Variants in USP13 observed in about 807,000 individuals in gnomAD.
USP13 encodes ubiquitin carboxyl-terminal hydrolase 13.
In USP13, 68 loss-of-function variants were observed where a neutral mutation model predicts 107.8. That is an observed-to-expected ratio of 0.63 (90% CI 0.52 to 0.77). The LOEUF (loss-of-function observed/expected upper bound fraction) is 0.77, where lower values mean the gene tolerates loss of function less well. USP13 is among the 30% of genes least tolerant of loss of function. The pLI is 0.00. For synonymous variants in USP13, 377 were observed against 389.5 expected (o/e 0.97, Z 0.38); for missense variants, 945 against 1,093.3 (o/e 0.86, Z 1.91).
chr3:179,771,429 A>G (rs1715339690), intron 19 of USP13, among the ~76,000 whole-genome samples: 1 of 152,220 alleles, frequency 6.6e-6, no homozygotes, highest in Non-Finnish European at 1.5e-5. Context: ...GAGAAGGGAC[A>G]GGTTGATCTC....
chr3:179,698,926 G>A (rs188393860), intron 3 of USP13, among the ~76,000 whole-genome samples: 2 of 149,688 alleles, frequency 1.3e-5, no homozygotes, highest in Non-Finnish European at 3.0e-5. Context: ...CTAGAGTGCA[G>A]TGGTGCAATC....
intron 13 of USP13, among the ~76,000 whole-genome samples, chr3:179,750,639 A>C (rs151074861): frequency 1.3e-5 from 2 of 152,332 alleles, no homozygotes; most frequent in Admixed American, 6.5e-5. Context: ...GATAAGTGAC[A>C]GTTCAATTCA....
chr3:179,708,952 G>C lies in USP13; in HGVS notation c.800G>C (p.Gly267Ala), dbSNP rs770641364. Reference sequence around the variant, plus strand: ...AAACTGGGAACCATCACTCCTGACGGGGCAGGTGAGTGCGCCTTTACCGAC... The same window carrying C: ...AAACTGGGAACCATCACTCCTGACGCGGCAGGTGAGTGCGCCTTTACCGAC... Reference protein sequence around the residue: ...AVKLGTITPDGADVYSFQEEE... With the variant: ...AVKLGTITPDAADVYSFQEEE... Residue 267 changes from glycine to alanine, a missense_variant, in exon 6 of 21, where the codon GGG (glycine) becomes GCG (alanine). Physicochemically the swap from Gly to Ala is moderately conservative, Grantham distance 60 (BLOSUM62 0). Transcript: ENST00000263966. 2.5e-6 allele frequency: 4 copies of C among 1,613,614 alleles called. No individual in the cohort carries two copies. Among genetic ancestry groups the C allele is most frequent in the Middle Eastern group, 1.7e-4 (1 of 6,060 alleles).
chr3:179,695,532 T>A (rs553560569), intron 3 of USP13, among the ~76,000 whole-genome samples: 208 of 150,740 alleles, frequency 1.4e-3, no homozygotes, highest in African/African-American at 4.5e-3. Context: ...CTTTTGCTGC[T>A]ATTTTTTTTT....
At position 179,764,056 on chromosome 3, in the gene USP13, CCT is replaced by C; in HGVS notation, c.2150_2151del (p.Ser717CysfsTer9). 6.2e-7 allele frequency: 1 copy of C among 1,613,902 alleles called. No individual in the cohort carries two copies. The highest frequency in any genetic ancestry group is 8.5e-7 in the Non-Finnish European group (1 of 1,179,980). Reference sequence around the variant, plus strand: ...TATGGAGGGGCAGCTTCTGCTGGAGCCTCTGTTTTTGGTGCTTCTGGACTGGA... The same window carrying C: ...TATGGAGGGGCAGCTTCTGCTGGAGCCTGTTTTTGGTGCTTCTGGACTGGA... On this transcript the variant is annotated frameshift_variant, in exon 18 of 21. Transcript: ENST00000263966. LOFTEE classifies it high-confidence loss of function.
At chr3:179,713,340 AT>A (rs1038064333) in intron 6 of USP13, among the ~76,000 whole-genome samples, 2 of 152,136 alleles carry the variant, frequency 1.3e-5, no homozygotes, top group Non-Finnish European at 2.9e-5. Context: ...GTAATTTCAT[AT>A]TAGTTTATGG....
At chr3:179,756,769 T>G (rs936921217) in intron 15 of USP13, among the ~76,000 whole-genome samples, 4 of 151,822 alleles carry the variant, frequency 2.6e-5, no homozygotes, top group Non-Finnish European at 5.9e-5. Flanking sequence ...CAAAAAAAAG[T>G]TTTTTTTAAA....
chr3:179,685,434 G>A (rs1026698261), intron 2 of USP13, among the ~76,000 whole-genome samples: 1 of 152,026 alleles, frequency 6.6e-6, no homozygotes, highest in Admixed American at 6.6e-5. Context: ...TCCTAACAAA[G>A]AAGAGGGGGA....
intron 19 of USP13, among the ~76,000 whole-genome samples, chr3:179,767,221 G>A (rs1044901630): frequency 3.9e-5 from 6 of 152,022 alleles, no homozygotes; most frequent in African/African-American, 1.5e-4. Flanking sequence ...TCCCATTTGT[G>A]CCATCTTTAA....
At position 179,742,716 on chromosome 3, in the gene USP13, C is replaced by G. The variant is rs1464480276; in HGVS notation, c.1534+366C>G. Among the ~76,000 whole-genome samples the G allele has an allele frequency of 6.6e-6, 1 of 152,194 alleles. No homozygotes were observed. The highest frequency in any genetic ancestry group is 2.4e-5 in the African/African-American group (1 of 41,446). ...TGCTATAAAGTCTGAGGGAAATGAT[C>G]AGGACTGCATTTTTTAAAGTTAGAC... On this transcript the variant is annotated intron_variant, in intron 12 of 20. Coordinates refer to ENST00000263966, the MANE Select transcript of USP13 (RefSeq NM_003940.3). The surrounding 1 kb of genome is among the most constrained non-coding windows in gnomAD (Gnocchi z 5.0).
At chr3:179,667,771 T>C (rs12490420) in intron 1 of USP13, among the ~76,000 whole-genome samples, 15,388 of 152,188 alleles carry the variant, frequency 0.1, 1,191 homozygotes, top group East Asian at 0.4. Context: ...CTCAGCCTCC[T>C]GAGTAGCTGG....
rs1274392477 is a variant in USP13, at chr3:179,696,348, G to A, written c.356-4660G>A. ...TAGGCATTTTTTTTTTTTTTTTTTT[G>A]AGATGGAGTCTTGCTCTTGTTGCCC... On this transcript the variant is annotated intron_variant, in intron 3 of 20. Transcript: ENST00000263966. Among the ~76,000 whole-genome samples the A allele has an allele frequency of 2.3e-4, 4 of 17,502 alleles. No individual in the cohort carries two copies. In the South Asian group the frequency reaches 8.1e-3, roughly 35 times the overall value. 11.5% of individuals were successfully genotyped at this position (17,502 alleles called of 152,430 possible).
chr3:179,736,312 C>T (rs1346166355), intron 10 of USP13, among the ~76,000 whole-genome samples: 1 of 152,158 alleles, frequency 6.6e-6, no homozygotes, highest in East Asian at 1.9e-4. Flanking sequence ...GAGATTCAGG[C>T]TCAACTTTTT....
chr3:179,669,771 G>C (rs1205878732), intron 1 of USP13, among the ~76,000 whole-genome samples: 1 of 152,178 alleles, frequency 6.6e-6, no homozygotes, highest in African/African-American at 2.4e-5. Flanking sequence ...CATGTGGCTG[G>C]TGGCTACCAT....
intron 5 of USP13, 106 bp from the exon 6 acceptor site, chr3:179,708,667 C>G: frequency 2.2e-6 from 3 of 1,364,174 alleles, no homozygotes; most frequent in Non-Finnish European, 3.0e-6. Context: ...TGTTATTCCA[C>G]TGAGCCTTTG....
At chr3:179,672,541 T>C (rs1405388994) in intron 1 of USP13, among the ~76,000 whole-genome samples, 2 of 151,384 alleles carry the variant, frequency 1.3e-5, no homozygotes, top group East Asian at 1.9e-4. Flanking sequence ...TGTACCACCA[T>C]GCGCGGCTAA....
chr3:179,711,465 G>A (rs1189862871), intron 6 of USP13, among the ~76,000 whole-genome samples: 1 of 152,074 alleles, frequency 6.6e-6, no homozygotes. Context: ...CACCCACCTC[G>A]GCCTCTCAAA....
chr3:179,756,962 T>C, intron 15 of USP13, 90 bp from the exon 16 acceptor site: 1 of 1,440,690 alleles, frequency 6.9e-7, no homozygotes, highest in African/African-American at 1.4e-5. Context: ...GGGAGGGCAT[T>C]GGAAATGCCC....
At chr3:179,760,358 A>G (rs1009495179) in intron 16 of USP13, among the ~76,000 whole-genome samples, 5 of 141,230 alleles carry the variant, frequency 3.5e-5, no homozygotes, top group African/African-American at 1.4e-4. Flanking sequence ...ATCCCGGCTC[A>G]CTGCAAGCTC....
Sources: allele counts gnomAD v4.1 joint callset (sites outside exome capture counted in the v4.1 genomes callset), GRCh38; gene constraint gnomAD v4.1.1; non-coding constraint Gnocchi (gnomAD v3.1); transcripts MANE v1.5; gene names NCBI Gene and HGNC (gene_info 2026-07-23, HGNC 2026-07-21).